The following DACH1 variants were observed in gnomAD, a reference collection of about 807,000 sequenced individuals.
The protein encoded by DACH1 is dachshund homolog 1.
Under a neutral mutation model 54.2 loss-of-function variants are expected in DACH1, and 12 were observed. That is an observed-to-expected ratio of 0.22 (90% CI 0.14 to 0.36). The LOEUF (loss-of-function observed/expected upper bound fraction) is 0.36, where lower values mean the gene tolerates loss of function less well. Ranked by LOEUF, DACH1 falls within the 10% of genes least tolerant of loss-of-function variation. DACH1 has a pLI of 1.00. For synonymous variants in DACH1, 386 were observed against 366.2 expected (o/e 1.05, Z -0.62); for missense variants, 805 against 929.8 (o/e 0.87, Z 1.75).
intron 6 of DACH1, among the ~76,000 whole-genome samples, chr13:71,539,966 T>C (rs959042289): frequency 2.6e-5 from 4 of 152,036 alleles, no homozygotes; most frequent in African/African-American, 4.8e-5. Flanking sequence ...ATATTCTTAA[T>C]TGCATCAAAA....
intron 1 of DACH1, among the ~76,000 whole-genome samples, chr13:71,765,949 C>A (rs1263989943): frequency 6.8e-6 from 1 of 147,424 alleles, no homozygotes; most frequent in Non-Finnish European, 1.5e-5. Context: ...TGCAGTGGCG[C>A]GATCTCTGCT....
At chr13:71,646,182 C>T (rs1043768621) in intron 2 of DACH1, among the ~76,000 whole-genome samples, 2 of 151,764 alleles carry the variant, frequency 1.3e-5, no homozygotes, top group African/African-American at 2.4e-5. Context: ...AGTAAAAATA[C>T]AAAAATTAGC....
chr13:71,572,570 C>T (rs1235571144), intron 4 of DACH1, among the ~76,000 whole-genome samples: 1 of 152,062 alleles, frequency 6.6e-6, no homozygotes, highest in African/African-American at 2.4e-5. Flanking sequence ...ACACAACTAC[C>T]TATGTAAGAA....
chr13:71,812,271 C>T (rs1450277204), intron 1 of DACH1, among the ~76,000 whole-genome samples: 1 of 152,128 alleles, frequency 6.6e-6, no homozygotes, highest in African/African-American at 2.4e-5. Context: ...ACTTGTCTCC[C>T]TTACAGAATG....
At chr13:71,575,688 A>G (rs1885486174) in intron 3 of DACH1, among the ~76,000 whole-genome samples, 1 of 152,056 alleles carries the variant, frequency 6.6e-6, no homozygotes, top group Non-Finnish European at 1.5e-5. Flanking sequence ...GTGCACAGGT[A>G]AATATCAAGC....
At chr13:71,864,439 T>C (rs564936424) in intron 1 of DACH1, among the ~76,000 whole-genome samples, 2 of 152,212 alleles carry the variant, frequency 1.3e-5, no homozygotes, top group African/African-American at 4.8e-5. Flanking sequence ...CCAATGTCCT[T>C]CTGGTCTCCT....
intron 3 of DACH1, among the ~76,000 whole-genome samples, chr13:71,603,002 G>C (rs1874616991): frequency 6.6e-6 from 1 of 151,854 alleles, no homozygotes; most frequent in Non-Finnish European, 1.5e-5. Flanking sequence ...CAATTACGTT[G>C]CTTTCTTTTT....
chr13:71,845,683 T>A (rs17837290), intron 1 of DACH1, among the ~76,000 whole-genome samples: 8,787 of 152,252 alleles, frequency 0.058, 1,018 homozygotes, highest in East Asian at 0.57. Context: ...GAAATAAGTA[T>A]GGAGAGTGAA....
chr13:71,690,903 G>T (rs1178670217), intron 1 of DACH1, among the ~76,000 whole-genome samples: 1 of 152,184 alleles, frequency 6.6e-6, no homozygotes, highest in East Asian at 1.9e-4. Context: ...CTGCACTCGA[G>T]CCTGGATGAC....
At position 71,550,820 on chromosome 13, in the gene DACH1, G is replaced by A. The variant is rs546815051; in HGVS notation, c.1570+6204C>T. Among the ~76,000 whole-genome samples, 10 of 152,084 alleles carry A rather than the reference G, an allele frequency of 6.6e-5. No homozygotes were observed. In the East Asian group the frequency reaches 1.9e-3, roughly 29 times the overall value. ...GGCACTAAGTTCAACACTTATTTTC[G>A]AGGCATGGAAACTGAGGAGGAAAAT... is the stretch of plus-strand genomic sequence containing the variant. On this transcript the variant is annotated intron_variant, in intron 6 of 10. Transcript: ENST00000613252.
rs35280825 is a variant in DACH1 at position 71,812,773 on chromosome 13, G to GAA, written c.848+53147_848+53148dup. On this transcript the variant is annotated intron_variant, in intron 1 of 10. Transcript: ENST00000613252. Reference sequence around the variant, plus strand: ...AATGTTGTGTCCCACGGAAAAAAAGGAAAAAACCTCAAATGCACTTATCCT... The same window carrying GAA: ...AATGTTGTGTCCCACGGAAAAAAAGGAAAAAAAACCTCAAATGCACTTATCCT... 2.0e-5 allele frequency among the ~76,000 whole-genome samples: 3 copies of GAA among 151,980 alleles called. No homozygotes were observed. In the South Asian group the frequency reaches 6.2e-4, roughly 32 times the overall value.
At chr13:71,579,211 C>T (rs181712431) in intron 3 of DACH1, among the ~76,000 whole-genome samples, 75 of 152,086 alleles carry the variant, frequency 4.9e-4, no homozygotes, top group African/African-American at 1.8e-3. Flanking sequence ...TAACATAATA[C>T]TGATGCTATT....
intron 3 of DACH1, among the ~76,000 whole-genome samples, chr13:71,626,724 T>C (rs1430012755): frequency 6.6e-6 from 1 of 152,046 alleles, no homozygotes; most frequent in African/African-American, 2.4e-5. Context: ...CCAGTGCATA[T>C]CATCTGTCTC....
intron 1 of DACH1, among the ~76,000 whole-genome samples, chr13:71,845,309 G>C (rs7339281): frequency 0.34 from 51,745 of 151,994 alleles, 10,463 homozygotes; most frequent in African/African-American, 0.56. Context: ...ACCCCACTAA[G>C]GAATTTGCAC....
intron 6 of DACH1, among the ~76,000 whole-genome samples, chr13:71,496,932 C>G (rs550212108): frequency 3.2e-4 from 49 of 152,134 alleles, no homozygotes; most frequent in African/African-American, 1.1e-3. Flanking sequence ...AAAGTTACTC[C>G]AGAAATTTTT....
At chr13:71,549,082 T>C (rs909214308) in intron 6 of DACH1, among the ~76,000 whole-genome samples, 2 of 152,006 alleles carry the variant, frequency 1.3e-5, no homozygotes, top group African/African-American at 4.8e-5. Context: ...AGAAATCTAC[T>C]AGCAATATGC....
intron 3 of DACH1, among the ~76,000 whole-genome samples, chr13:71,596,229 A>G (rs918796131): frequency 1.2e-4 from 18 of 152,132 alleles, no homozygotes; most frequent in Non-Finnish European, 2.4e-4. Context: ...AAAATAGCTT[A>G]CTTACTATTC....
intron 8 of DACH1, among the ~76,000 whole-genome samples, chr13:71,476,604 CAAT>C (rs369916824): frequency 3.6e-4 from 54 of 151,980 alleles, no homozygotes; most frequent in African/African-American, 1.3e-3. Context: ...CTGCTGGTAA[CAAT>C]AATGAGCCTT....
At chr13:71,777,714 A>C (rs1343065954) in intron 1 of DACH1, among the ~76,000 whole-genome samples, 2 of 152,146 alleles carry the variant, frequency 1.3e-5, no homozygotes, top group Non-Finnish European at 2.9e-5. Flanking sequence ...CTACTGGACA[A>C]CAAATAGAAG....
Sources: gnomAD v4.1 joint callset for allele counts (sites outside exome capture counted in the v4.1 genomes callset) on GRCh38, gnomAD v4.1.1 for gene constraint, MANE v1.5 for transcripts, NCBI Gene and HGNC (gene_info 2026-07-23, HGNC 2026-07-21) for gene names.